The following AFF4 variants were observed in gnomAD, a reference collection of about 807,000 sequenced individuals.
AFF4 encodes AF4/FMR2 family member 4.
A neutral mutation model predicts 124.8 loss-of-function variants in AFF4; 13 were observed. The ratio of observed to expected loss-of-function variants is 0.10; its 90% CI spans 0.07 to 0.17. The LOEUF (loss-of-function observed/expected upper bound fraction) is 0.17, where lower values mean the gene tolerates loss of function less well. AFF4 is among the 10% of genes least tolerant of loss of function. The probability of loss-of-function intolerance (pLI) is 1.00; values close to 1 mark genes in which losing one functional copy is unlikely to be tolerated. For missense variants in AFF4, 1,092 were observed against 1,403.8 expected, an observed-to-expected ratio of 0.78 and a Z score of 3.55; for synonymous variants, 477 against 496.1, an observed-to-expected ratio of 0.96 and a Z score of 0.51.
intron 5 of AFF4, among the ~76,000 whole-genome samples, chr5:132,917,705 C>CTTTTTTTTTTT (rs58145774): frequency 4.1e-5 from 3 of 74,050 alleles, no homozygotes; most frequent in Admixed American, 1.8e-4. Flanking sequence ...CTTTTCTTTT[C>CTTTTTTTTTTT]TTTTTTTTTT....
At chr5:132,900,315 G>C (rs1195908968) in intron 7 of AFF4, among the ~76,000 whole-genome samples, 2 of 152,192 alleles carry the variant, frequency 1.3e-5, no homozygotes, top group Non-Finnish European at 2.9e-5. Context: ...CCACTACTTT[G>C]GGAGGCTGAG....
At chr5:132,897,918 A>G (rs1287318024) in intron 10 of AFF4, among the ~76,000 whole-genome samples, 3 of 152,192 alleles carry the variant, frequency 2.0e-5, no homozygotes, top group Non-Finnish European at 2.9e-5. Context: ...GACTCTTTTT[A>G]TCAACAACAT....
rs1759871104 is a variant in AFF4 at position 132,877,610 on chromosome 5, C to T, written c.*3449G>A. The T allele has an allele frequency of 4.8e-6, 1 of 209,686 alleles. No individual in the cohort carries two copies. Among genetic ancestry groups the T allele is most frequent in the South Asian group, 1.9e-4 (1 of 5,314 alleles). 13.0% of individuals were successfully genotyped at this position (209,686 alleles called of 1,614,324 possible). A position where few individuals can be genotyped will look rare whatever the true frequency, so the allele number is the denominator to read the frequency against. ...TACACCTAGAAGAGTGCACAGTGTA[C>T]TCCTCCTCTATATAACTAGGCATCA... On this transcript the variant is annotated 3_prime_UTR_variant, in exon 21 of 21. Coordinates refer to ENST00000265343, the MANE Select transcript of AFF4 (RefSeq NM_014423.4).
At chr5:132,906,179 C>A (rs1273240609) in intron 5 of AFF4, among the ~76,000 whole-genome samples, 1 of 152,206 alleles carries the variant, frequency 6.6e-6, no homozygotes, top group Non-Finnish European at 1.5e-5. Flanking sequence ...AATGGTACAG[C>A]TGCTTTGGAA....
At chr5:132,923,461 A>G (rs1439441830) in intron 5 of AFF4, among the ~76,000 whole-genome samples, 4 of 152,174 alleles carry the variant, frequency 2.6e-5, no homozygotes, top group Non-Finnish European at 4.4e-5. Context: ...AGTTTACTAT[A>G]AATTTAGTGG....
intron 2 of AFF4, among the ~76,000 whole-genome samples, chr5:132,935,177 G>A (rs1232507216): frequency 6.6e-6 from 1 of 152,124 alleles, no homozygotes; most frequent in Non-Finnish European, 1.5e-5. Flanking sequence ...TCCGAGCACA[G>A]TGGCACGTGC....
intron 5 of AFF4, among the ~76,000 whole-genome samples, chr5:132,917,705 C>CTTTTTTTTTTTTTTTT (rs58145774): frequency 1.2e-4 from 9 of 74,050 alleles, no homozygotes; most frequent in Admixed American, 1.8e-4. Flanking sequence ...CTTTTCTTTT[C>CTTTTTTTTTTTTTTTT]TTTTTTTTTT....
chr5:132,898,460 C>CA lies in AFF4; in HGVS notation c.1227-69_1227-68insT, dbSNP rs1554074713. The CA allele has an allele frequency of 1.3e-4, 191 of 1,487,406 alleles. 3 individuals are homozygous for CA. The Middle Eastern group carries it at 3.0e-3, about 24-fold the overall frequency. 92.1% of individuals were successfully genotyped at this position (1,487,406 alleles called of 1,614,324 possible). On this transcript the variant is annotated intron_variant, in intron 9 of 20. Transcript: ENST00000265343. ...ATTGACAACAGGAAAACATCCAAAT[C>CA]GACAACCAACTTTCTTTTTTTCTTC...
Position 132,878,208 on chromosome 5 carries a change from G to A in AFF4, c.*2851C>T, listed in dbSNP as rs1581262432. ...GAAGGGGAATGCTTCCCACAGCCCA[G>A]CCCAGTCTGGCCCAGGCAAGACTAC... On this transcript the variant is annotated 3_prime_UTR_variant, in exon 21 of 21. Transcript: ENST00000265343. The A allele has an allele frequency of 4.4e-6, 1 of 228,222 alleles. No homozygotes were observed. The highest frequency in any genetic ancestry group is 6.2e-5 in the East Asian group (1 of 16,002). 14.1% of individuals were successfully genotyped at this position (228,222 alleles called of 1,614,324 possible). A position where few individuals can be genotyped will look rare whatever the true frequency, so the allele number is the denominator to read the frequency against.
In AFF4 at chr5:132,878,274, T is replaced by G. The variant is rs562491593; in HGVS notation, c.*2785A>C. 4.3e-6 allele frequency: 1 copy of G among 229,910 alleles called. No homozygotes were observed. Among genetic ancestry groups the G allele is most frequent in the Non-Finnish European group, 8.6e-6 (1 of 115,990 alleles). The allele number at this position is 229,910 out of a possible 1,614,324, so 14.2% of individuals were successfully genotyped here. A position where few individuals can be genotyped will look rare whatever the true frequency, so the allele number is the denominator to read the frequency against. On this transcript the variant is annotated 3_prime_UTR_variant, in exon 21 of 21. Transcript: ENST00000265343. ...CACTGCAATTGGTTCGTTGGTTGCT[T>G]GTAAAGAGTCTAATGGTGTATAGGC...
At chr5:132,906,270 C>A (rs748538745) in intron 5 of AFF4, among the ~76,000 whole-genome samples, 1 of 152,146 alleles carries the variant, frequency 6.6e-6, no homozygotes, top group Admixed American at 6.6e-5. Flanking sequence ...CACAACCAAA[C>A]AAAATGTAAA....
At chr5:132,928,384 A>G (rs1032311787) in intron 4 of AFF4, among the ~76,000 whole-genome samples, 2 of 152,182 alleles carry the variant, frequency 1.3e-5, no homozygotes. Flanking sequence ...ATATTTCCAC[A>G]AGGACATCTG....
At chr5:132,900,789 A>G (rs976876760) in intron 7 of AFF4, 27 of 850,156 alleles carry the variant, frequency 3.2e-5, no homozygotes, top group Middle Eastern at 1.2e-3. Context: ...GTCTTTTTAC[A>G]TGGGAGGAAA....
rs1345645677 is a variant in AFF4 at position 132,889,127 on chromosome 5, G to A, written c.2684C>T (p.Thr895Ile). ...TCTCCGAGGCTTAGAAGAATCAAGA[G>A]TTGGTGCAGATGGAGGACAGTTAGA... The part of the protein sequence containing the change: ...SSSNCPPSAP[T>I]LDSSKPRRTK... The change falls in exon 14 of 21, where the codon ACT (threonine) becomes ATT (isoleucine). Residue 895 changes from threonine to isoleucine, a missense_variant. Physicochemically the swap from Thr to Ile is moderately conservative, Grantham distance 89 (BLOSUM62 -1). This residue lies in a region of AFF4 where 293 missense variants were observed against 280.2 expected (regional missense o/e 1.05). Transcript: ENST00000265343. 5 of 1,614,006 alleles carry A rather than the reference G, an allele frequency of 3.1e-6. No homozygotes were observed. Among genetic ancestry groups the A allele is most frequent in the Non-Finnish European group, 4.2e-6 (5 of 1,179,988 alleles).
chr5:132,916,621 C>G (rs1313720969), intron 5 of AFF4, among the ~76,000 whole-genome samples: 1 of 152,144 alleles, frequency 6.6e-6, no homozygotes, highest in African/African-American at 2.4e-5. Flanking sequence ...CTTGGGAAGA[C>G]AGATTTGAGG....
rs752143774 is a variant in AFF4, at chr5:132,875,993, T to C, written c.*5066A>G. 3.1e-5 allele frequency: 7 copies of C among 224,900 alleles called. No individual in the cohort carries two copies. The highest frequency in any genetic ancestry group is 5.7e-5 in the Admixed American group (1 of 17,494). 13.9% of individuals were successfully genotyped at this position (224,900 alleles called of 1,614,324 possible). A position where few individuals can be genotyped will look rare whatever the true frequency, so the allele number is the denominator to read the frequency against. ...CCTCCCCAAATATCAAACAATTATATACCAAATAATTTTAATTTCAAATAA... is the reference window on the plus strand; with the variant it reads ...CCTCCCCAAATATCAAACAATTATACACCAAATAATTTTAATTTCAAATAA... On this transcript the variant is annotated 3_prime_UTR_variant, in exon 21 of 21. Transcript: ENST00000265343.
intron 1 of AFF4, chr5:132,945,181 T>A (rs930247015): frequency 7.2e-5 from 11 of 152,488 alleles, no homozygotes; most frequent in Admixed American, 4.6e-4. Context: ...CATGGTGAAA[T>A]CTTCAGAAGG....
intron 1 of AFF4, among the ~76,000 whole-genome samples, chr5:132,944,717 G>A (rs1761655027): frequency 1.3e-5 from 2 of 151,944 alleles, no homozygotes; most frequent in Admixed American, 6.6e-5. Context: ...ACAACCTGAG[G>A]TCAGGAGTTC....
At chr5:132,927,473 A>C (rs953367991) in intron 4 of AFF4, 1 of 353,606 alleles carries the variant, frequency 2.8e-6, no homozygotes, top group Non-Finnish European at 5.1e-6. Context: ...CCTGTAATCA[A>C]ATACAAGGCA....
Sources: gnomAD v4.1 joint callset for allele counts (sites outside exome capture counted in the v4.1 genomes callset) on GRCh38, gnomAD v4.1.1 for gene constraint, gnomAD v4.1.1 regional missense constraint, MANE v1.5 for transcripts, NCBI Gene and HGNC (gene_info 2026-07-23, HGNC 2026-07-21) for gene names.